Variants in NPAS3 observed in about 807,000 individuals in gnomAD.
NPAS3 encodes the protein neuronal PAS domain protein 3.
Under a neutral mutation model 73.1 loss-of-function variants are expected in NPAS3, and 14 were observed. That is an observed-to-expected ratio of 0.19 (90% CI 0.13 to 0.30). The LOEUF (loss-of-function observed/expected upper bound fraction) is 0.30. Among genes scored for constraint, NPAS3 ranks in the 10% least tolerant of loss-of-function variants. The pLI is 1.00. For missense variants in NPAS3, 1,096 were observed against 1,250.0 expected (o/e 0.88, Z 1.86); for synonymous variants, 620 against 541.5 (o/e 1.14, Z -2.01).
chr14:33,117,564 C>T (rs2043108062), intron 2 of NPAS3, among the ~76,000 whole-genome samples: 3 of 152,038 alleles, frequency 2.0e-5, no homozygotes, highest in Non-Finnish European at 1.5e-5. Context: ...TGCAGAATAG[C>T]CAAATTTGTG....
At chr14:33,190,576 G>A (rs1026827261) in intron 2 of NPAS3, among the ~76,000 whole-genome samples, 1 of 152,204 alleles carries the variant, frequency 6.6e-6, no homozygotes, top group Admixed American at 6.5e-5. Context: ...TAACAAGTGA[G>A]TCGAAAGAAG....
intron 4 of NPAS3, among the ~76,000 whole-genome samples, chr14:33,530,630 G>A (rs2053998053): frequency 6.6e-6 from 1 of 152,104 alleles, no homozygotes; most frequent in Non-Finnish European, 1.5e-5. Context: ...TCATTACTAA[G>A]AAGCAGGGGA....
In NPAS3 at chr14:33,614,576, A is replaced by T. The variant is rs140788362; in HGVS notation, c.558+54366A>T. On this transcript the variant is annotated intron_variant, in intron 5 of 11. Coordinates refer to ENST00000356141, the Ensembl canonical transcript of NPAS3. The stretch of plus-strand genomic sequence containing the variant: ...TAAACAGGAAATCAGCCTCGTTCAA[A>T]AACCATATTCTTAGCTAGCATAAGC... Among the ~76,000 whole-genome samples, 956 of 152,282 alleles carry T rather than the reference A, an allele frequency of 6.3e-3. 13 individuals are homozygous for T. The highest frequency in any genetic ancestry group is 0.022 in the African/African-American group (929 of 41,552).
At chr14:33,678,402 ATCCTCCTT>A (rs1345891359) in intron 6 of NPAS3, among the ~76,000 whole-genome samples, 2 of 150,972 alleles carry the variant, frequency 1.3e-5, no homozygotes, top group Non-Finnish European at 3.0e-5. Flanking sequence ...ATTACATCAG[ATCCTCCTT>A]TCCTCCTGTC....
chr14:33,519,946 G>A (rs184733945), intron 4 of NPAS3, among the ~76,000 whole-genome samples: 1 of 152,186 alleles, frequency 6.6e-6, no homozygotes, highest in Admixed American at 6.5e-5. Context: ...ACCTTGGTGT[G>A]TCCAGACTGT....
intron 5 of NPAS3, among the ~76,000 whole-genome samples, chr14:33,643,886 GA>G (rs2058749366): frequency 6.6e-6 from 1 of 151,874 alleles, no homozygotes; most frequent in Non-Finnish European, 1.5e-5. Flanking sequence ...TTGGGGAGAA[GA>G]TTTTTTTTTT....
chr14:33,565,731 A>T (rs1946201570), intron 5 of NPAS3, among the ~76,000 whole-genome samples: 1 of 152,208 alleles, frequency 6.6e-6, no homozygotes, highest in African/African-American at 2.4e-5. Flanking sequence ...ATTTCAACAC[A>T]GCAGAGGGAT....
chr14:32,938,216 C>T (rs2139010164), upstream of NPAS3, among the ~76,000 whole-genome samples: 1 of 152,204 alleles, frequency 6.6e-6, no homozygotes, highest in East Asian at 1.9e-4. Context: ...CTGCACCGCC[C>T]ACGGGGCTCT....
intron 4 of NPAS3, among the ~76,000 whole-genome samples, chr14:33,525,170 C>T: frequency 6.6e-6 from 1 of 152,050 alleles, no homozygotes; most frequent in East Asian, 1.9e-4. Context: ...CTAGTTTTAT[C>T]CTAACATTAA....
intron 2 of NPAS3, among the ~76,000 whole-genome samples, chr14:33,060,179 G>C (rs1264285284): frequency 6.6e-6 from 1 of 152,230 alleles, no homozygotes; most frequent in African/African-American, 2.4e-5. Context: ...ATATGAGATA[G>C]TGAGGAAAGA....
At chr14:33,273,953 T>G (rs2041216906) in intron 3 of NPAS3, among the ~76,000 whole-genome samples, 1 of 152,234 alleles carries the variant, frequency 6.6e-6, no homozygotes, top group Admixed American at 6.5e-5. Context: ...ACTCTTTCCC[T>G]GTAGTTTTAT....
chr14:33,670,562 A>ATATCTTATTATATTTTAT (rs2059581948), intron 5 of NPAS3, among the ~76,000 whole-genome samples: 1 of 151,830 alleles, frequency 6.6e-6, no homozygotes, highest in Non-Finnish European at 1.5e-5. Context: ...TCAAGCTATC[A>ATATCTTATTATATTTTAT]TATCTTATTA....
At chr14:32,982,562 ATCTC>A (rs886765489) in intron 1 of NPAS3, among the ~76,000 whole-genome samples, 2 of 152,112 alleles carry the variant, frequency 1.3e-5, no homozygotes, top group African/African-American at 2.4e-5. Context: ...GAAAAAAAAA[ATCTC>A]TATCTGCACT....
At chr14:33,788,290 AG>A in intron 9 of NPAS3, among the ~76,000 whole-genome samples, 1 of 152,270 alleles carries the variant, frequency 6.6e-6, no homozygotes, top group Non-Finnish European at 1.5e-5. Flanking sequence ...TACCTCCAGG[AG>A]GGGGTGAATG....
In NPAS3 at chr14:33,474,667, A is replaced by T. The variant is rs372141882; in HGVS notation, c.469-85454A>T. Among the ~76,000 whole-genome samples, 25 of 152,262 alleles carry T rather than the reference A, an allele frequency of 1.6e-4. No individual in the cohort carries two copies. The East Asian group carries it at 4.8e-3, about 29-fold the overall frequency. On this transcript the variant is annotated intron_variant, in intron 4 of 11. Coordinates refer to ENST00000356141, the Ensembl canonical transcript of NPAS3. Reference sequence around the variant, plus strand: ...ATACCATGACCTAGAACAGGGAAGGAGGGATAAAGAGAAGGGTATAAATTT... The same window carrying T: ...ATACCATGACCTAGAACAGGGAAGGTGGGATAAAGAGAAGGGTATAAATTT...
At chr14:33,207,513 A>G (rs1242187209) in intron 2 of NPAS3, among the ~76,000 whole-genome samples, 4 of 152,224 alleles carry the variant, frequency 2.6e-5, no homozygotes, top group African/African-American at 9.6e-5. Flanking sequence ...ACCCTTGTTC[A>G]GGACATTCAT....
intron 5 of NPAS3, among the ~76,000 whole-genome samples, chr14:33,578,639 A>G (rs1353607781): frequency 1.3e-5 from 2 of 152,194 alleles, no homozygotes; most frequent in Admixed American, 6.5e-5. Flanking sequence ...TCCAACTTCC[A>G]TAGAGGATTT....
At chr14:32,989,602 G>T (rs1403492683) in intron 1 of NPAS3, among the ~76,000 whole-genome samples, 1 of 152,060 alleles carries the variant, frequency 6.6e-6, no homozygotes, top group East Asian at 1.9e-4. Context: ...CCGAGAGCCC[G>T]CCACTGCACT....
chr14:33,114,696 T>C (rs774922074), intron 2 of NPAS3, among the ~76,000 whole-genome samples: 4 of 152,168 alleles, frequency 2.6e-5, no homozygotes, highest in South Asian at 2.1e-4. Flanking sequence ...TTGCCTTATA[T>C]GTCATGGTCA....
Sources: gnomAD v4.1 joint callset for allele counts (sites outside exome capture counted in the v4.1 genomes callset) on GRCh38, gnomAD v4.1.1 for gene constraint, MANE v1.5 for transcripts, NCBI Gene and HGNC (gene_info 2026-07-23, HGNC 2026-07-21) for gene names.